SERPINI1: variants seen among roughly 807,000 people sequenced by gnomAD.
SERPINI1 encodes the protein serpin family I member 1, also known as neuroserpin.
In SERPINI1, 19 loss-of-function variants were observed where a neutral mutation model predicts 41.1. The ratio of observed to expected loss-of-function variants is 0.46; its 90% CI spans 0.32 to 0.68. SERPINI1 has a LOEUF of 0.68. Ranked by LOEUF, SERPINI1 falls within the 30% of genes least tolerant of loss-of-function variation. SERPINI1 has a pLI of 0.03. For missense variants in SERPINI1, 460 were observed against 479.2 expected, an observed-to-expected ratio of 0.96 and a Z score of 0.37; for synonymous variants, 138 against 156.6, an observed-to-expected ratio of 0.88 and a Z score of 0.89.
intron 1 of SERPINI1, among the ~76,000 whole-genome samples, chr3:167,749,133 A>G (rs555606144): frequency 7.2e-5 from 11 of 152,174 alleles, no homozygotes; most frequent in Non-Finnish European, 1.6e-4. Context: ...CTATTTTGAA[A>G]TTATCCCCTT....
chr3:167,775,879 T>G (rs1726951891), intron 1 of SERPINI1, among the ~76,000 whole-genome samples: 1 of 152,116 alleles, frequency 6.6e-6, no homozygotes, highest in Admixed American at 6.6e-5. Flanking sequence ...AAATATCCTT[T>G]TTGTACAAGA....
At chr3:167,747,512 C>T (rs1395783190) in intron 1 of SERPINI1, among the ~76,000 whole-genome samples, 1 of 152,086 alleles carries the variant, frequency 6.6e-6, no homozygotes, top group East Asian at 1.9e-4. Context: ...GGCGTGGCAG[C>T]GGGCGCCTGT....
chr3:167,756,047 CT>C (rs1214005730), intron 1 of SERPINI1, among the ~76,000 whole-genome samples: 3 of 152,036 alleles, frequency 2.0e-5, no homozygotes, highest in East Asian at 3.9e-4. Context: ...TCCCCACCCC[CT>C]GACCCCTGCC....
intron 1 of SERPINI1, among the ~76,000 whole-genome samples, chr3:167,784,729 C>T (rs1577416077): frequency 6.6e-6 from 1 of 152,102 alleles, no homozygotes; most frequent in African/African-American, 2.4e-5. Flanking sequence ...GGAAGCTGCC[C>T]TCATGATCTA....
chr3:167,820,529 G>A (rs752835892), intron 6 of SERPINI1, among the ~76,000 whole-genome samples: 1 of 152,250 alleles, frequency 6.6e-6, no homozygotes, highest in African/African-American at 2.4e-5. Context: ...TCCAGGTGCT[G>A]TCATGAGCTG....
intron 1 of SERPINI1, among the ~76,000 whole-genome samples, chr3:167,786,953 A>G (rs979255671): frequency 1.3e-5 from 2 of 152,202 alleles, no homozygotes; most frequent in Admixed American, 1.3e-4. Flanking sequence ...CAACACTTAA[A>G]ACACAGACAC....
intron 1 of SERPINI1, among the ~76,000 whole-genome samples, chr3:167,767,610 C>T (rs1371854707): frequency 1.3e-5 from 2 of 152,142 alleles, no homozygotes; most frequent in Non-Finnish European, 2.9e-5. Context: ...AGAATGGCAT[C>T]ATTTAGTGAT....
intron 6 of SERPINI1, among the ~76,000 whole-genome samples, chr3:167,813,339 C>T (rs1412043141): frequency 6.6e-6 from 1 of 152,146 alleles, no homozygotes; most frequent in African/African-American, 2.4e-5. Context: ...GCATTGTGTC[C>T]CATTACTTCT....
rs1372226420 is a variant in SERPINI1, at chr3:167,802,748, ACCATTTGACCCAGCCAT to A, written c.882-4493_882-4477del. On this transcript the variant is annotated intron_variant, in intron 5 of 8. Coordinates refer to ENST00000446050, the MANE Select transcript of SERPINI1 (RefSeq NM_001122752.2). ...TCCTCAGGGATCTAGAACTAGAAATACCATTTGACCCAGCCATCCCATTACTGGGTATATACCCAAAG... is the reference window on the plus strand; with the variant it reads ...TCCTCAGGGATCTAGAACTAGAAATACCCATTACTGGGTATATACCCAAAG... Among the ~76,000 whole-genome samples the A allele has an allele frequency of 5.2e-4, 75 of 144,458 alleles. 1 individual carries two copies. The East Asian group carries it at 0.015, about 28-fold the overall frequency. 94.8% of individuals were successfully genotyped at this position (144,458 alleles called of 152,430 possible).
chr3:167,754,519 T>TTC (rs1410687878), intron 1 of SERPINI1, among the ~76,000 whole-genome samples: 2 of 152,372 alleles, frequency 1.3e-5, no homozygotes, highest in African/African-American at 4.8e-5. Context: ...CAAATTTGAA[T>TTC]ATTCTAAATG....
intron 6 of SERPINI1, among the ~76,000 whole-genome samples, chr3:167,817,412 C>T (rs1019264126): frequency 6.6e-6 from 1 of 151,954 alleles, no homozygotes; most frequent in Non-Finnish European, 1.5e-5. Context: ...GGTTTTACAA[C>T]AGGCAATCCT....
chr3:167,797,851 T>G (rs1727766568), intron 5 of SERPINI1, among the ~76,000 whole-genome samples: 1 of 152,034 alleles, frequency 6.6e-6, no homozygotes, highest in South Asian at 2.1e-4. Context: ...TTTAAATTAC[T>G]ATGTAAATCA....
intron 5 of SERPINI1, among the ~76,000 whole-genome samples, chr3:167,805,692 A>G (rs930380921): frequency 6.6e-6 from 1 of 152,198 alleles, no homozygotes; most frequent in Non-Finnish European, 1.5e-5. Flanking sequence ...TTAAGTCTTT[A>G]ATCCATCTTG....
At chr3:167,799,094 C>T (rs1031428411) in intron 5 of SERPINI1, among the ~76,000 whole-genome samples, 1 of 152,028 alleles carries the variant, frequency 6.6e-6, no homozygotes, top group African/African-American at 2.4e-5. Context: ...GCAGAACATG[C>T]AGGTTTGTTA....
chr3:167,797,329 G>A (rs1018133562), intron 5 of SERPINI1, among the ~76,000 whole-genome samples: 9 of 152,052 alleles, frequency 5.9e-5, no homozygotes, highest in African/African-American at 9.7e-5. Context: ...TCATTGCTGC[G>A]CAGAAGCTCT....
intron 1 of SERPINI1, among the ~76,000 whole-genome samples, chr3:167,750,601 T>G (rs1361025377): frequency 6.6e-6 from 1 of 152,214 alleles, no homozygotes. Context: ...ACTGAACTTT[T>G]TACTGTGACC....
intron 5 of SERPINI1, among the ~76,000 whole-genome samples, chr3:167,795,341 TA>T (rs1316293864): frequency 6.6e-6 from 1 of 152,186 alleles, no homozygotes; most frequent in Non-Finnish European, 1.5e-5. Context: ...TCCCTGTGGC[TA>T]AAAGAATAAG....
intron 1 of SERPINI1, among the ~76,000 whole-genome samples, chr3:167,769,830 G>A (rs35118764): frequency 0.13 from 20,093 of 151,816 alleles, 1,647 homozygotes; most frequent in African/African-American, 0.23. Flanking sequence ...TCTTTTTTAT[G>A]ATGTATTCAT....
At chr3:167,781,271 T>G (rs1358044051) in intron 1 of SERPINI1, among the ~76,000 whole-genome samples, 1 of 152,046 alleles carries the variant, frequency 6.6e-6, no homozygotes, top group African/African-American at 2.4e-5. Context: ...CTCCCAGTTT[T>G]CCAAACACCA....
Sources: allele counts gnomAD v4.1 joint callset (sites outside exome capture counted in the v4.1 genomes callset), GRCh38; gene constraint gnomAD v4.1.1; transcripts MANE v1.5; gene names NCBI Gene and HGNC (gene_info 2026-07-23, HGNC 2026-07-21).